Variants in OXR1 observed in about 807,000 individuals in gnomAD.
OXR1 encodes oxidation resistance protein 1.
A neutral mutation model predicts 104.6 loss-of-function variants in OXR1; 41 were observed. The observed-to-expected ratio is 0.39, with a 90% CI of 0.31 to 0.51. The LOEUF (loss-of-function observed/expected upper bound fraction) is 0.51. OXR1 is among the 20% of genes least tolerant of loss of function. OXR1 has a pLI of 0.77. For synonymous variants in OXR1, 348 were observed against 348.4 expected (o/e 1.00, Z 0.01); for missense variants, 955 against 1,031.9 (o/e 0.93, Z 1.02).
intron 2 of OXR1, among the ~76,000 whole-genome samples, chr8:106,453,802 A>G (rs1467959595): frequency 6.6e-6 from 1 of 152,234 alleles, no homozygotes; most frequent in Non-Finnish European, 1.5e-5. Flanking sequence ...CCCCCAGCAT[A>G]TAGCATAGTA....
rs1052427726 is a variant in OXR1, at chr8:106,745,949, A to C, written c.2486+87A>C. 5.3e-6 allele frequency: 4 copies of C among 749,022 alleles called. No homozygotes were observed. In the African/African-American group the frequency reaches 7.1e-5, roughly 13 times the overall value. The allele number at this position is 749,022 out of a possible 1,614,324, so 46.4% of individuals were successfully genotyped here. On this transcript the variant is annotated intron_variant, in intron 16 of 16. Coordinates refer to ENST00000517566, the MANE Select transcript of OXR1 (RefSeq NM_001198533.2). Reference sequence around the variant, plus strand: ...ATTTATAAATTCAGTTGTCTTTAGAAAGTGTTGACGTTAGAATTCAAATTT... The same window carrying C: ...ATTTATAAATTCAGTTGTCTTTAGACAGTGTTGACGTTAGAATTCAAATTT...
intron 2 of OXR1, among the ~76,000 whole-genome samples, chr8:106,379,384 T>G (rs2130401141): frequency 6.6e-6 from 1 of 152,290 alleles, no homozygotes; most frequent in Admixed American, 6.5e-5. Flanking sequence ...TTAAAGTTGT[T>G]TTTTGACAAG....
At chr8:106,511,894 C>T (rs2130045835) in intron 2 of OXR1, among the ~76,000 whole-genome samples, 3 of 152,266 alleles carry the variant, frequency 2.0e-5, no homozygotes, top group Admixed American at 2.0e-4. Flanking sequence ...CTTAAAGCCT[C>T]AGTTGATACC....
At chr8:106,390,461 G>T (rs11986170) in intron 2 of OXR1, among the ~76,000 whole-genome samples, 97,799 of 151,956 alleles carry the variant, frequency 0.64, 31,692 homozygotes, top group Middle Eastern at 0.67. Context: ...TCATAACACC[G>T]TTAAGAGATG....
At chr8:106,446,355 C>G (rs569787374) in intron 2 of OXR1, among the ~76,000 whole-genome samples, 1 of 152,184 alleles carries the variant, frequency 6.6e-6, no homozygotes, top group Non-Finnish European at 1.5e-5. Flanking sequence ...TGCCGTGGCT[C>G]ACGCCTGTAA....
intron 8 of OXR1, 86 bp from the exon 9 acceptor site, chr8:106,706,296 G>T: frequency 1.1e-6 from 1 of 872,202 alleles, no homozygotes; most frequent in African/African-American, 1.8e-5. Context: ...AGTCTTTTTA[G>T]TGATACTAAT....
chr8:106,688,900 T>C (rs905732284), intron 6 of OXR1, among the ~76,000 whole-genome samples: 1 of 152,144 alleles, frequency 6.6e-6, no homozygotes, highest in Non-Finnish European at 1.5e-5. Context: ...AACTGAGACA[T>C]ATGATCTAAA....
chr8:106,555,928 GTACATA>G (rs1223151480), intron 3 of OXR1, among the ~76,000 whole-genome samples: 24 of 142,538 alleles, frequency 1.7e-4, no homozygotes, highest in Admixed American at 1.6e-3. Flanking sequence ...GTATATATAT[GTACATA>G]TATATATATA....
At chr8:106,515,186 TTATTAG>T in intron 2 of OXR1, among the ~76,000 whole-genome samples, 1 of 152,200 alleles carries the variant, frequency 6.6e-6, no homozygotes, top group Admixed American at 6.6e-5. Context: ...ATCTTCTTTT[TTATTAG>T]TTGAAAAATA....
At chr8:106,303,000 G>A (rs1192800090) in intron 1 of OXR1, among the ~76,000 whole-genome samples, 3 of 151,674 alleles carry the variant, frequency 2.0e-5, no homozygotes, top group Non-Finnish European at 2.9e-5. Context: ...TGATCCATCC[G>A]CCTTGGCCTC....
rs1027164965 is a variant in OXR1, at chr8:106,752,508, G to T, written c.*1567G>T. 1.2e-4 allele frequency: 18 copies of T among 152,398 alleles called. No individual in the cohort carries two copies. The highest frequency in any genetic ancestry group is 4.1e-4 in the African/African-American group (17 of 41,406). 9.4% of individuals were successfully genotyped at this position (152,398 alleles called of 1,614,324 possible). ...CATTATAAGTTAGTAACAATATATA[G>T]ATTAAATGTTTACAATATAGGGAAT... On this transcript the variant is annotated 3_prime_UTR_variant, in exon 17 of 17. Transcript: ENST00000517566.
chr8:106,548,645 C>A (rs1160031390), intron 3 of OXR1, among the ~76,000 whole-genome samples: 1 of 152,090 alleles, frequency 6.6e-6, no homozygotes, highest in Non-Finnish European at 1.5e-5. Context: ...AAATTATAAG[C>A]AGCCAAAGTA....
chr8:106,500,341 A>G (rs1228026227), intron 2 of OXR1, among the ~76,000 whole-genome samples: 1 of 152,244 alleles, frequency 6.6e-6, no homozygotes, highest in Non-Finnish European at 1.5e-5. Context: ...GTTAAAAATC[A>G]ACTCATGACT....
rs1447377175 is a variant in OXR1 at position 106,548,233 on chromosome 8, C to T, written c.220+29094C>T. Among the ~76,000 whole-genome samples, 10 of 152,162 alleles carry T rather than the reference C, an allele frequency of 6.6e-5. 1 individual carries two copies. The highest frequency in any genetic ancestry group is 1.5e-4 in the Non-Finnish European group (10 of 68,020). The stretch of plus-strand genomic sequence containing the variant: ...CTAGAATGTATCTCAGCAGTTGTCT[C>T]ATTTGACTTACTCATTACACCTTAA... On this transcript the variant is annotated intron_variant, in intron 3 of 16. Transcript: ENST00000517566.
chr8:106,721,464 G>T (rs996110338), intron 11 of OXR1, among the ~76,000 whole-genome samples: 3 of 152,048 alleles, frequency 2.0e-5, no homozygotes, highest in African/African-American at 7.2e-5. Context: ...TGTTGATAGG[G>T]TGTGTAACAG....
intron 2 of OXR1, among the ~76,000 whole-genome samples, chr8:106,470,068 T>A (rs887027762): frequency 1.3e-5 from 2 of 151,678 alleles, no homozygotes; most frequent in Non-Finnish European, 3.0e-5. Flanking sequence ...TACAGTGCAA[T>A]GAGTTAGTGA....
chr8:106,273,140 C>G (rs1179086456), intron 1 of OXR1, among the ~76,000 whole-genome samples: 1 of 151,092 alleles, frequency 6.6e-6, no homozygotes, highest in Non-Finnish European at 1.5e-5. Flanking sequence ...TAAGTGGAAG[C>G]CTAACTGGAC....
intron 6 of OXR1, among the ~76,000 whole-genome samples, chr8:106,690,874 T>C (rs890992610): frequency 5.3e-5 from 8 of 152,110 alleles, no homozygotes; most frequent in African/African-American, 1.9e-4. Context: ...GGTATTTCTG[T>C]GCCTGTATGG....
chr8:106,719,845 G>A (rs1256994812), intron 11 of OXR1, among the ~76,000 whole-genome samples: 1 of 151,546 alleles, frequency 6.6e-6, no homozygotes, highest in Non-Finnish European at 1.5e-5. Flanking sequence ...TCCGTCTGTC[G>A]CTCAGGCTGG....
Sources: allele counts gnomAD v4.1 joint callset (sites outside exome capture counted in the v4.1 genomes callset), GRCh38; gene constraint gnomAD v4.1.1; transcripts MANE v1.5; gene names NCBI Gene and HGNC (gene_info 2026-07-23, HGNC 2026-07-21).